Variants in TPH2 observed in about 807,000 individuals in gnomAD.
TPH2 encodes the protein tryptophan 5-hydroxylase 2.
In TPH2, 27 loss-of-function variants were observed where a neutral mutation model predicts 59.1. The ratio of observed to expected loss-of-function variants is 0.46; its 90% CI spans 0.34 to 0.63. The LOEUF is 0.63. Ranked by LOEUF, TPH2 falls within the 30% of genes least tolerant of loss-of-function variation. The pLI is 0.01. For synonymous variants in TPH2, 220 were observed against 210.5 expected, an observed-to-expected ratio of 1.05 and a Z score of -0.39; for missense variants, 523 against 588.3, an observed-to-expected ratio of 0.89 and a Z score of 1.15.
At chr12:71,948,386 T>C (rs976868473) in intron 4 of TPH2, among the ~76,000 whole-genome samples, 1 of 152,104 alleles carries the variant, frequency 6.6e-6, no homozygotes, top group Non-Finnish European at 1.5e-5. Flanking sequence ...ATCTTCTCTC[T>C]CCTCCCCTTA....
chr12:71,961,917 C>T (rs61632251), intron 5 of TPH2: 52 of 1,062,970 alleles, frequency 4.9e-5, no homozygotes, highest in Non-Finnish European at 5.8e-5. Context: ...ATTAACAACG[C>T]GAACAAAACA....
At chr12:72,015,150 G>A (rs990041041) in intron 8 of TPH2, among the ~76,000 whole-genome samples, 2 of 152,114 alleles carry the variant, frequency 1.3e-5, no homozygotes, top group African/African-American at 4.8e-5. Context: ...AAAGGGGTAA[G>A]TGGGAGCAGA....
Position 72,031,442 on chromosome 12 carries a change from T to C in TPH2, c.1298+51T>C, listed in dbSNP as rs767994810. 1.4e-5 allele frequency: 23 copies of C among 1,612,982 alleles called. No individual in the cohort carries two copies. The East Asian group carries it at 4.9e-4, about 34-fold the overall frequency. On this transcript the variant is annotated intron_variant, in intron 10 of 10. Coordinates refer to ENST00000333850, the MANE Select transcript of TPH2 (RefSeq NM_173353.4). Reference sequence around the variant, plus strand: ...GAGAAAATAACTTTTTATTTTTCTGTCTCTATTCCTTCCTTTTATCTATCC... The same window carrying C: ...GAGAAAATAACTTTTTATTTTTCTGCCTCTATTCCTTCCTTTTATCTATCC...
intron 8 of TPH2, among the ~76,000 whole-genome samples, chr12:72,017,684 A>G (rs1236151430): frequency 6.6e-6 from 1 of 152,098 alleles, no homozygotes; most frequent in African/African-American, 2.4e-5. Flanking sequence ...TTTCTTGATA[A>G]TAGGTAGGAT....
At chr12:71,990,356 A>G (rs1305566772) in intron 7 of TPH2, among the ~76,000 whole-genome samples, 3 of 152,196 alleles carry the variant, frequency 2.0e-5, no homozygotes, top group African/African-American at 4.8e-5. Context: ...ATAGAGTTTA[A>G]TAGCATAATT....
chr12:71,961,786 C>T (rs1300935063), intron 5 of TPH2: 1 of 1,284,064 alleles, frequency 7.8e-7, no homozygotes, highest in Non-Finnish European at 1.0e-6. Flanking sequence ...GAAGCCCTAT[C>T]CTGTGGTGCA....
At chr12:71,949,956 T>C (rs1871300126) in intron 5 of TPH2, among the ~76,000 whole-genome samples, 2 of 152,142 alleles carry the variant, frequency 1.3e-5, no homozygotes, top group Admixed American at 1.3e-4. Context: ...TGTGTTTTAA[T>C]TTTAATTTTA....
intron 10 of TPH2, 54 bp downstream of exon 10, chr12:72,031,445 CTATT>C: frequency 6.2e-7 from 1 of 1,612,822 alleles, no homozygotes; most frequent in Non-Finnish European, 8.5e-7. Flanking sequence ...TTTTCTGTCT[CTATT>C]CCTTCCTTTT....
rs77828767 is a variant in TPH2, at chr12:71,944,294, G to C, written c.256G>C (p.Glu86Gln). The C allele has an allele frequency of 7.1e-5, 115 of 1,613,544 alleles. No individual in the cohort carries two copies. Among genetic ancestry groups the C allele is most frequent in the Non-Finnish European group, 5.8e-5 (69 of 1,179,728 alleles). ...TTTTCAGATGCTCGTGTTTCCACAGGAAAAACGTGTCAACATGGTTCATAT... is the reference window on the plus strand; with the variant it reads ...TTTTCAGATGCTCGTGTTTCCACAGCAAAAACGTGTCAACATGGTTCATAT... ...GLVKALRLFQ[E>Q]KRVNMVHIES... Residue 86 changes from glutamate (E) to glutamine (Q), a missense_variant and splice_region_variant, in exon 3 of 11, where the codon GAA (glutamate) becomes CAA (glutamine). Coordinates refer to ENST00000333850, the MANE Select transcript of TPH2 (RefSeq NM_173353.4).
chr12:71,975,071 T>A (rs1195976234), intron 6 of TPH2, among the ~76,000 whole-genome samples: 1 of 152,116 alleles, frequency 6.6e-6, no homozygotes, highest in East Asian at 1.9e-4. Context: ...ATATAAAAAC[T>A]GGCTAGGCAC....
chr12:72,012,298 T>C (rs1166356576), intron 8 of TPH2, among the ~76,000 whole-genome samples: 5 of 152,072 alleles, frequency 3.3e-5, no homozygotes, highest in Non-Finnish European at 7.4e-5. Flanking sequence ...TCTGTGTGGA[T>C]TCGTATGGGC....
At chr12:71,950,786 G>A (rs142433403) in intron 5 of TPH2, among the ~76,000 whole-genome samples, 5 of 152,070 alleles carry the variant, frequency 3.3e-5, no homozygotes, top group Non-Finnish European at 4.4e-5. Context: ...AGAACATTAC[G>A]TGTGTTATAG....
intron 6 of TPH2, among the ~76,000 whole-genome samples, chr12:71,973,440 G>T (rs1872029437): frequency 6.6e-6 from 1 of 152,198 alleles, no homozygotes; most frequent in South Asian, 2.1e-4. Flanking sequence ...CCTCCCACCA[G>T]TGCCGTGACA....
chr12:71,988,511 A>C (rs1392324565), intron 7 of TPH2, among the ~76,000 whole-genome samples: 1 of 152,156 alleles, frequency 6.6e-6, no homozygotes, highest in African/African-American at 2.4e-5. Flanking sequence ...AGAGAGTTGG[A>C]GGGTGTGGGC....
chr12:72,016,984 T>A (rs1294800860), intron 8 of TPH2, among the ~76,000 whole-genome samples: 2 of 152,130 alleles, frequency 1.3e-5, no homozygotes, highest in Non-Finnish European at 1.5e-5. Context: ...AGTAGGGAAA[T>A]GGGAATAGTA....
chr12:71,941,034 A>T (rs374424219), intron 1 of TPH2, among the ~76,000 whole-genome samples: 1 of 152,202 alleles, frequency 6.6e-6, no homozygotes, highest in African/African-American at 2.4e-5. Flanking sequence ...GCAGATTCAC[A>T]TTGACAATGT....
chr12:71,944,769 A>C, intron 4 of TPH2, 83 bp downstream of exon 4: 1 of 1,223,074 alleles, frequency 8.2e-7, no homozygotes, highest in East Asian at 2.3e-5. Flanking sequence ...TCTGTGCTGC[A>C]ATGCTTTATT....
intron 5 of TPH2, among the ~76,000 whole-genome samples, chr12:71,968,013 A>G (rs1027603436): frequency 1.7e-4 from 26 of 152,014 alleles, no homozygotes; most frequent in Admixed American, 1.4e-3. Flanking sequence ...CCCTTCTCTA[A>G]GACCTATTTC....
chr12:71,943,229 T>C (rs1008818722), intron 2 of TPH2, among the ~76,000 whole-genome samples: 19 of 152,172 alleles, frequency 1.2e-4, no homozygotes, highest in African/African-American at 4.6e-4. Context: ...TTTCTTTATA[T>C]AGGAGAGGGT....
Sources: gnomAD v4.1 joint callset for allele counts (sites outside exome capture counted in the v4.1 genomes callset) on GRCh38, gnomAD v4.1.1 for gene constraint, MANE v1.5 for transcripts, NCBI Gene and HGNC (gene_info 2026-07-23, HGNC 2026-07-21) for gene names.